Variants in CCR7 observed in about 807,000 individuals in gnomAD.
CCR7 encodes C-C chemokine receptor type 7.
CCR7 carries 11 observed loss-of-function variants against 26.0 expected under a neutral mutation model. The ratio of observed to expected loss-of-function variants is 0.42; its 90% CI spans 0.27 to 0.70. The LOEUF (loss-of-function observed/expected upper bound fraction) is 0.70, where lower values mean the gene tolerates loss of function less well. CCR7 is among the 30% of genes least tolerant of loss of function. The pLI, the probability that CCR7 is intolerant of heterozygous loss-of-function variation, is 0.23. For synonymous variants in CCR7, 189 were observed against 202.1 expected (o/e 0.94, Z 0.55); for missense variants, 360 against 504.0 (o/e 0.71, Z 2.74).
intron 1 of CCR7, among the ~76,000 whole-genome samples, chr17:40,563,375 C>T (rs1186755603): frequency 6.6e-6 from 1 of 152,200 alleles, no homozygotes; most frequent in Non-Finnish European, 1.5e-5. Flanking sequence ...AGGCACACAT[C>T]TCTCATGGGT....
At chr17:40,556,754 A>G (rs970535496) in intron 2 of CCR7, among the ~76,000 whole-genome samples, 2 of 152,096 alleles carry the variant, frequency 1.3e-5, no homozygotes, top group Non-Finnish European at 2.9e-5. Context: ...CTTACAAAAG[A>G]CCTCAGCTTT....
At chr17:40,560,055 G>A (rs1004693903) in intron 1 of CCR7, among the ~76,000 whole-genome samples, 5 of 152,198 alleles carry the variant, frequency 3.3e-5, no homozygotes, top group African/African-American at 1.2e-4. Context: ...GGCTTCCTGG[G>A]GTCTGAGCAG....
At chr17:40,564,729 T>A (rs1174091032) in intron 1 of CCR7, among the ~76,000 whole-genome samples, 2 of 152,186 alleles carry the variant, frequency 1.3e-5, no homozygotes, top group Non-Finnish European at 2.9e-5. Context: ...TGGCTATGAT[T>A]TCTCCAAGCT....
intron 2 of CCR7, among the ~76,000 whole-genome samples, chr17:40,558,016 G>A (rs1194405832): frequency 1.3e-5 from 2 of 152,204 alleles, no homozygotes; most frequent in African/African-American, 4.8e-5. Flanking sequence ...GGGGGCCTCT[G>A]GGATGGGGTT....
intron 1 of CCR7, among the ~76,000 whole-genome samples, chr17:40,563,811 G>A (rs565950802): frequency 2.0e-4 from 30 of 152,262 alleles, no homozygotes; most frequent in African/African-American, 7.0e-4. Flanking sequence ...CTAGTCTGGG[G>A]TAAGACACTC....
intron 2 of CCR7, among the ~76,000 whole-genome samples, chr17:40,558,665 TC>T (rs1434518253): frequency 6.6e-6 from 1 of 152,174 alleles, no homozygotes; most frequent in Admixed American, 6.5e-5. Context: ...TAAGTTATTT[TC>T]CCCCATGTTT....
chr17:40,564,670 G>A (rs2036689703), intron 1 of CCR7, among the ~76,000 whole-genome samples: 1 of 152,170 alleles, frequency 6.6e-6, no homozygotes, highest in African/African-American at 2.4e-5. Flanking sequence ...TTATCTGCCG[G>A]GGCAGAGTGC....
At chr17:40,558,004 CG>C (rs2036612048) in intron 2 of CCR7, among the ~76,000 whole-genome samples, 2 of 152,288 alleles carry the variant, frequency 1.3e-5, no homozygotes, top group Admixed American at 1.3e-4. Context: ...GCCCAGGCTC[CG>C]GGGGGCCTCT....
chr17:40,557,658 G>T (rs1196213539), intron 2 of CCR7, among the ~76,000 whole-genome samples: 2 of 152,212 alleles, frequency 1.3e-5, no homozygotes, highest in Non-Finnish European at 2.9e-5. Flanking sequence ...GGACATGAGG[G>T]GGTCTCAGCC....
chr17:40,559,305 C>A (rs1008838463), intron 1 of CCR7, among the ~76,000 whole-genome samples: 12 of 152,196 alleles, frequency 7.9e-5, no homozygotes, highest in African/African-American at 2.4e-4. Context: ...GGTCTGAGTG[C>A]CCCCTCCCAC....
rs1017207606 is a variant in CCR7, at chr17:40,555,582, G to A, written c.297C>T (p.Asn99=). 6.2e-7 allele frequency: 1 copy of A among 1,614,162 alleles called. No individual in the cohort carries two copies. The highest frequency in any genetic ancestry group is 1.3e-5 in the African/African-American group (1 of 75,048). ...LKTMTDTYLL[N]LAVADILFLL... The stretch of plus-strand genomic sequence containing the variant: ...GGAAGAGGATGTCTGCCACCGCCAG[G>A]TTGAGCAGGTAGGTATCGGTCATGG... The change falls in exon 3 of 3, where the codon AAC becomes AAT. Residue 99 remains asparagine (N), a synonymous_variant. Transcript: ENST00000246657. The surrounding 1 kb of genome is among the most constrained non-coding windows in gnomAD (Gnocchi z 5.6).
In CCR7 at chr17:40,555,499, T is replaced by C; in HGVS notation, c.380A>G (p.His127Arg). The change falls in exon 3 of 3, where the codon CAC becomes CGC. Residue 127 changes from histidine (H) to arginine (R), a missense_variant. His to Arg is a conservative substitution (Grantham distance 29). Coordinates refer to ENST00000246657, the MANE Select transcript of CCR7 (RefSeq NM_001838.4). This position sits in a 1 kb window ranked among gnomAD's most constrained non-coding sequence, Gnocchi z 5.6. ...GATGGCAAAGATGAGCTTGCAAAAG[T>C]GGACACCGAAGACCCAGGACTTGGC... ...SAAKSWVFGV[H>R]FCKLIFAIYK... 1 of 1,613,948 alleles carries C rather than the reference T, an allele frequency of 6.2e-7. No individual in the cohort carries two copies. Among genetic ancestry groups the C allele is most frequent in the Non-Finnish European group, 8.5e-7 (1 of 1,179,996 alleles).
chr17:40,556,258 TG>T (rs2036586500), intron 2 of CCR7, among the ~76,000 whole-genome samples: 1 of 152,212 alleles, frequency 6.6e-6, no homozygotes, highest in African/African-American at 2.4e-5. Flanking sequence ...TAGGAATCTG[TG>T]TTTTCCTAAA....
chr17:40,562,030 G>A lies in CCR7; in HGVS notation c.11-3088C>T, dbSNP rs1277145426. Reference sequence around the variant, plus strand: ...CATTTCATCCTCTCAAAAGCCCCATGAGGTAGGCGCTACTATTATCCCCAT... The same window carrying A: ...CATTTCATCCTCTCAAAAGCCCCATAAGGTAGGCGCTACTATTATCCCCAT... On this transcript the variant is annotated intron_variant, in intron 1 of 2. Transcript: ENST00000246657. 3.9e-5 allele frequency among the ~76,000 whole-genome samples: 6 copies of A among 152,296 alleles called. No individual in the cohort carries two copies. The South Asian group carries it at 1.0e-3, about 26-fold the overall frequency.
At position 40,555,371 on chromosome 17, in the gene CCR7, G is replaced by A. The variant is rs575312747; in HGVS notation, c.508C>T (p.Arg170Cys). ...QAVSAHRHRA[R>C]VLLISKLSCV... ...GACAGCTTGCTGATGAGAAGGACGC[G>A]GGCACGGTGGCGGTGAGCTGAGACA... is the stretch of plus-strand genomic sequence containing the variant. The change falls in exon 3 of 3, where the codon CGC (arginine) becomes TGC (cysteine). Residue 170 changes from arginine to cysteine, a missense_variant. Transcript: ENST00000246657. This position sits in a 1 kb window ranked among gnomAD's most constrained non-coding sequence, Gnocchi z 5.6. The A allele has an allele frequency of 5.6e-6, 9 of 1,614,000 alleles. No homozygotes were observed. The highest frequency in any genetic ancestry group is 2.2e-5 in the East Asian group (1 of 44,902).
chr17:40,554,989 G>A lies in CCR7; in HGVS notation c.890C>T (p.Thr297Ile), dbSNP rs1408549512. The change falls in exon 3 of 3, where the codon ACC becomes ATC. Residue 297 changes from threonine to isoleucine, a missense_variant. By Grantham distance (89) the Thr-to-Ile change is moderately conservative. Transcript: ENST00000246657. ...TVANFNITSSTCELSKQLNIA... is the reference protein window; with the variant it reads ...TVANFNITSSICELSKQLNIA... The stretch of plus-strand genomic sequence containing the variant: ...GTTGAGTTGCTTACTGAGCTCACAG[G>A]TGCTACTGGTGATGTTGAAGTTGGC... 2.5e-6 allele frequency: 4 copies of A among 1,614,098 alleles called. No homozygotes were observed. The highest frequency in any genetic ancestry group is 1.3e-5 in the African/African-American group (1 of 74,936).
chr17:40,565,117 A>C (rs990802177), intron 1 of CCR7, among the ~76,000 whole-genome samples: 1 of 151,878 alleles, frequency 6.6e-6, no homozygotes, highest in Non-Finnish European at 1.5e-5. Flanking sequence ...CCACTCTCTT[A>C]TGTCCCTGCT....
At position 40,555,871 on chromosome 17, in the gene CCR7, C is replaced by T; in HGVS notation, c.61-53G>A. 1 of 1,279,114 alleles carries T rather than the reference C, an allele frequency of 7.8e-7. No individual in the cohort carries two copies. The highest frequency in any genetic ancestry group is 1.3e-5 in the South Asian group (1 of 77,212). The allele number at this position is 1,279,114 out of a possible 1,614,324, so 79.2% of individuals were successfully genotyped here. A position where few individuals can be genotyped will look rare whatever the true frequency, so the allele number is the denominator to read the frequency against. ...GGCCAGTTTAGCTGGGTGGCTCCAA[C>T]TCTGGCTGGGATTTAGCCTAGAGCA... On this transcript the variant is annotated intron_variant, in intron 2 of 2. Transcript: ENST00000246657. The surrounding 1 kb of genome is among the most constrained non-coding windows in gnomAD (Gnocchi z 5.6).
At chr17:40,558,701 C>A (rs2036619002) in intron 2 of CCR7, among the ~76,000 whole-genome samples, 192 bp downstream of exon 2, 1 of 152,064 alleles carries the variant, frequency 6.6e-6, no homozygotes, top group South Asian at 2.1e-4. Flanking sequence ...TAAAGGAAGT[C>A]CAGAGAACAT....
Sources: allele counts gnomAD v4.1 joint callset (sites outside exome capture counted in the v4.1 genomes callset), GRCh38; gene constraint gnomAD v4.1.1; non-coding constraint Gnocchi (gnomAD v3.1); transcripts MANE v1.5; gene names NCBI Gene and HGNC (gene_info 2026-07-23, HGNC 2026-07-21).